The following SH3BGRL variants were observed in gnomAD, a reference collection of about 807,000 sequenced individuals.
SH3BGRL encodes adapter SH3BGRL.
SH3BGRL carries 7 observed loss-of-function variants against 9.8 expected under a neutral mutation model. That is an observed-to-expected ratio of 0.72 (90% CI 0.41 to 1.35). The LOEUF is 1.35. SH3BGRL is among the 40% of genes most tolerant of loss of function. The probability of loss-of-function intolerance (pLI) is 0.01; values close to 1 mark genes in which losing one functional copy is unlikely to be tolerated. For missense variants in SH3BGRL, 73 were observed against 84.4 expected, an observed-to-expected ratio of 0.86 and a Z score of 0.53; for synonymous variants, 36 against 29.1, an observed-to-expected ratio of 1.24 and a Z score of -0.76.
intron 1 of SH3BGRL, among the ~76,000 whole-genome samples, chrX:81,234,923 C>A (rs2075643125): frequency 8.9e-6 from 1 of 111,841 alleles, no homozygotes; most frequent in African/African-American, 3.2e-5. Context: ...TTTCCATACA[C>A]TGTAAAGCTG....
chrX:81,236,456 C>T (rs1446911901), intron 1 of SH3BGRL, among the ~76,000 whole-genome samples: 1 of 111,544 alleles, frequency 9.0e-6, no homozygotes, highest in African/African-American at 3.3e-5. Flanking sequence ...TTTCTATAAA[C>T]ATTCCATTGT....
At chrX:81,267,139 A>C (rs1245621300) in intron 1 of SH3BGRL, among the ~76,000 whole-genome samples, 1 of 112,044 alleles carries the variant, frequency 8.9e-6, no homozygotes, top group Non-Finnish European at 1.9e-5. Flanking sequence ...ATATACAATC[A>C]TGTCATCTGC....
intron 1 of SH3BGRL, among the ~76,000 whole-genome samples, chrX:81,210,706 T>C (rs868090565): frequency 8.9e-6 from 1 of 112,091 alleles, no homozygotes; most frequent in Non-Finnish European, 1.9e-5. Flanking sequence ...CTTGATGATA[T>C]TCACTAATTA....
chrX:81,264,289 A>T (rs2075749573), intron 1 of SH3BGRL, among the ~76,000 whole-genome samples: 1 of 110,983 alleles, frequency 9.0e-6, no homozygotes, highest in Non-Finnish European at 1.9e-5. Context: ...AAAACAAAAC[A>T]AAAACAAGGC....
chrX:81,269,259 A>G (rs747918227), intron 1 of SH3BGRL, among the ~76,000 whole-genome samples: 16 of 111,417 alleles, frequency 1.4e-4, no homozygotes, highest in African/African-American at 4.9e-4. Context: ...TCCTGTCATT[A>G]TGATGTTAGC....
chrX:81,217,730 G>A (rs1000670049), intron 1 of SH3BGRL, among the ~76,000 whole-genome samples: 2 of 111,444 alleles, frequency 1.8e-5, no homozygotes, highest in East Asian at 5.6e-4. Flanking sequence ...TTCTGCAGTT[G>A]TTGGGTAGAA....
intron 3 of SH3BGRL, among the ~76,000 whole-genome samples, chrX:81,282,630 A>G (rs2075821454): frequency 8.9e-6 from 1 of 111,815 alleles, no homozygotes; most frequent in Admixed American, 9.5e-5. Context: ...TTTAAACTGA[A>G]TGACAGTAAT....
chrX:81,237,324 G>C (rs2075651720), intron 1 of SH3BGRL: 1 of 320,132 alleles, frequency 3.1e-6, no homozygotes, highest in African/African-American at 2.7e-5. Context: ...ATTGGTGAAA[G>C]AGGCACTGAA....
chrX:81,258,449 G>A (rs1227915003), intron 1 of SH3BGRL, among the ~76,000 whole-genome samples: 3 of 112,173 alleles, frequency 2.7e-5, no homozygotes, highest in Non-Finnish European at 5.6e-5. Context: ...ACATTTCCAT[G>A]GCTCTGGGTG....
At chrX:81,293,097 G>T (rs752325842) in intron 3 of SH3BGRL, among the ~76,000 whole-genome samples, 1 of 111,602 alleles carries the variant, frequency 9.0e-6, no homozygotes, top group Non-Finnish European at 1.9e-5. Flanking sequence ...AATCATGGGG[G>T]CAGTTTCCCC....
chrX:81,219,985 A>G (rs766382212), intron 1 of SH3BGRL, among the ~76,000 whole-genome samples: 2 of 111,461 alleles, frequency 1.8e-5, no homozygotes, highest in South Asian at 7.5e-4. Flanking sequence ...GTCATGATGA[A>G]TGATCTTTTT....
chrX:81,221,116 T>A (rs2075598858), intron 1 of SH3BGRL, among the ~76,000 whole-genome samples: 1 of 111,859 alleles, frequency 8.9e-6, no homozygotes, highest in Non-Finnish European at 1.9e-5. Flanking sequence ...GTTCTGTAAA[T>A]ATCTATTAGA....
rs1277436420 is a variant in SH3BGRL at position 81,211,347 on chromosome X, G to A, written c.45+9102G>A. 1.3e-4 allele frequency among the ~76,000 whole-genome samples: 15 copies of A among 111,606 alleles called. No individual in the cohort carries two copies. In the South Asian group the frequency reaches 2.6e-3, roughly 20 times the overall value. On this transcript the variant is annotated intron_variant, in intron 1 of 3. Coordinates refer to ENST00000373212, the MANE Select transcript of SH3BGRL (RefSeq NM_003022.3). ...CGCCTGTAATCTCAGCACTTTGTGG[G>A]GGCCGAGGCGGGCGGATCACGAGGT... is the stretch of plus-strand genomic sequence containing the variant.
chrX:81,254,564 A>G lies in SH3BGRL; in HGVS notation c.46-22420A>G, dbSNP rs775276863. The stretch of plus-strand genomic sequence containing the variant: ...TTACCAACTATAGAGGAAAAAGCCC[A>G]GTGCTACAGCTAACATAGTCTGAAA... On this transcript the variant is annotated intron_variant, in intron 1 of 3. Coordinates refer to ENST00000373212, the MANE Select transcript of SH3BGRL (RefSeq NM_003022.3). 2.7e-5 allele frequency among the ~76,000 whole-genome samples: 3 copies of G among 112,413 alleles called. No homozygotes were observed. The South Asian group carries it at 1.1e-3, about 42-fold the overall frequency.
chrX:81,259,913 C>G (rs767009711), intron 1 of SH3BGRL, among the ~76,000 whole-genome samples: 2 of 111,584 alleles, frequency 1.8e-5, no homozygotes, highest in African/African-American at 6.5e-5. Context: ...TCATATGAAT[C>G]ATTGCTTCTT....
At position 81,244,649 on chromosome X, in the gene SH3BGRL, T is replaced by C. The variant is rs376890013; in HGVS notation, c.46-32335T>C. 9.8e-5 allele frequency among the ~76,000 whole-genome samples: 11 copies of C among 111,994 alleles called. No individual in the cohort carries two copies. The South Asian group carries it at 4.1e-3, about 42-fold the overall frequency. The stretch of plus-strand genomic sequence containing the variant: ...GCTTTAAGAAAGATTCTTTTTTTAA[T>C]TTAATTTTCTTATTATACTTTTAAG... On this transcript the variant is annotated intron_variant, in intron 1 of 3. Transcript: ENST00000373212.
intron 3 of SH3BGRL, among the ~76,000 whole-genome samples, chrX:81,279,978 A>G (rs983350715): frequency 2.7e-5 from 3 of 111,405 alleles, no homozygotes; most frequent in Non-Finnish European, 5.7e-5. Flanking sequence ...AAACAGACTC[A>G]GGGCTGTTGG....
At chrX:81,237,205 C>A (rs1323907101) in intron 1 of SH3BGRL, 1 of 385,796 alleles carries the variant, frequency 2.6e-6, no homozygotes. Context: ...TCTACATGCA[C>A]ACACACAAAA....
At chrX:81,261,848 G>C (rs144105417) in intron 1 of SH3BGRL, among the ~76,000 whole-genome samples, 489 of 111,369 alleles carry the variant, frequency 4.4e-3, no homozygotes, top group African/African-American at 0.015. Context: ...AGTACTTAAA[G>C]GGTGGGAGGA....
Sources: gnomAD v4.1 joint callset for allele counts (sites outside exome capture counted in the v4.1 genomes callset) on GRCh38, gnomAD v4.1.1 for gene constraint, MANE v1.5 for transcripts, NCBI Gene and HGNC (gene_info 2026-07-23, HGNC 2026-07-21) for gene names.